Variants in MRPL30 observed in about 807,000 individuals in gnomAD.
MRPL30 encodes large ribosomal subunit protein uL30m.
In MRPL30, 10 loss-of-function variants were observed where a neutral mutation model predicts 17.2. That is an observed-to-expected ratio of 0.58 (90% CI 0.36 to 0.99). MRPL30 has a LOEUF of 0.99. Among genes scored for constraint, MRPL30 ranks in the 50% least tolerant of loss-of-function variants. MRPL30 has a pLI of 0.01. For synonymous variants in MRPL30, 61 were observed against 62.1 expected (o/e 0.98, Z 0.08); for missense variants, 170 against 189.8 (o/e 0.90, Z 0.61).
chr2:99,181,545 C>A (rs1314237203), intron 1 of MRPL30, among the ~76,000 whole-genome samples: 1 of 151,220 alleles, frequency 6.6e-6, no homozygotes, highest in African/African-American at 2.4e-5. Context: ...ACCCAAGCAG[C>A]ATTTTCTGTG....
chr2:99,188,184 C>A lies in MRPL30; in HGVS notation c.59C>A (p.Thr20Lys), dbSNP rs541061970. 5.2e-5 allele frequency: 82 copies of A among 1,591,892 alleles called. No homozygotes were observed. Among genetic ancestry groups the A allele is most frequent in the Non-Finnish European group, 6.6e-5 (77 of 1,171,206 alleles). The part of the protein sequence containing the change: ...QWPPGRLQTV[T>K]KGVESLICTD... ...ATTTATATCATATTTTAGACTGTGA[C>A]AAAAGGTGTGGAGTCTCTTATTTGT... Residue 20 changes from threonine (T) to lysine (K), a missense_variant, in exon 3 of 6, where the codon ACA becomes AAA. Coordinates refer to ENST00000338148, the MANE Select transcript of MRPL30 (RefSeq NM_145212.4).
At chr2:99,191,750 C>G (rs1450414006) in intron 3 of MRPL30, among the ~76,000 whole-genome samples, 1 of 152,138 alleles carries the variant, frequency 6.6e-6, no homozygotes, top group African/African-American at 2.4e-5. Context: ...GAAACATGGT[C>G]CTATTGGTTC....
intron 1 of MRPL30, among the ~76,000 whole-genome samples, chr2:99,185,002 C>G (rs573197256): frequency 2.6e-5 from 4 of 152,294 alleles, no homozygotes; most frequent in Non-Finnish European, 5.9e-5. Flanking sequence ...CCATTAGGAA[C>G]CAGATGGCAC....
At position 99,192,307 on chromosome 2, in the gene MRPL30, C is replaced by T. The variant is rs551274456; in HGVS notation, c.133-2444C>T. ...ATTTTTTTTTAAGTTCCGGTATACA[C>T]GTGCAGATTTGTCACATAGGTATAT... On this transcript the variant is annotated intron_variant, in intron 3 of 5. Transcript: ENST00000338148. Among the ~76,000 whole-genome samples the T allele has an allele frequency of 4.6e-5, 7 of 152,132 alleles. No individual in the cohort carries two copies. In the South Asian group the frequency reaches 1.5e-3, roughly 32 times the overall value.
chr2:99,189,737 G>A (rs1370652367), intron 3 of MRPL30, among the ~76,000 whole-genome samples: 1 of 152,090 alleles, frequency 6.6e-6, no homozygotes, highest in Admixed American at 6.6e-5. Context: ...GTTTTGGGTG[G>A]GGGGTTCCTA....
chr2:99,192,743 A>G lies in MRPL30; in HGVS notation c.133-2008A>G, dbSNP rs184952105. Among the ~76,000 whole-genome samples, 7 of 152,358 alleles carry G rather than the reference A, an allele frequency of 4.6e-5. No individual in the cohort carries two copies. The South Asian group carries it at 6.2e-4, about 14-fold the overall frequency. On this transcript the variant is annotated intron_variant, in intron 3 of 5. Transcript: ENST00000338148. ...TAGAATGATTTATATTCCTTTGGGT[A>G]TATACCCAGTAATGGGATTGCTGAG...
chr2:99,186,668 T>G (rs1250432782), intron 2 of MRPL30, among the ~76,000 whole-genome samples: 1 of 152,236 alleles, frequency 6.6e-6, no homozygotes, highest in Non-Finnish European at 1.5e-5. Flanking sequence ...GTATGGTTTT[T>G]CTGCTGTTTT....
At chr2:99,190,242 CT>C (rs1479828810) in intron 3 of MRPL30, among the ~76,000 whole-genome samples, 1 of 152,126 alleles carries the variant, frequency 6.6e-6, no homozygotes, top group East Asian at 1.9e-4. Context: ...ACTTTGATAC[CT>C]TTAATGTGCT....
Position 99,188,185 on chromosome 2 carries a change from A to T in MRPL30, c.60A>T (p.Thr20=). ...TTTATATCATATTTTAGACTGTGAC[A>T]AAAGGTGTGGAGTCTCTTATTTGTA... is the stretch of plus-strand genomic sequence containing the variant. ...QWPPGRLQTV[T]KGVESLICTD... is the part of the protein sequence containing the mutation. The change falls in exon 3 of 6, where the codon ACA becomes ACT. Residue 20 remains threonine, a synonymous_variant. Transcript: ENST00000338148. 6.3e-7 allele frequency: 1 copy of T among 1,592,680 alleles called. No homozygotes were observed. The highest frequency in any genetic ancestry group is 8.5e-7 in the Non-Finnish European group (1 of 1,171,652).
chr2:99,197,802 G>A lies in MRPL30; in HGVS notation c.*2097G>A, dbSNP rs140493505. Among the ~76,000 whole-genome samples, 209 of 143,688 alleles carry A rather than the reference G, an allele frequency of 1.5e-3. No homozygotes were observed. The highest frequency in any genetic ancestry group is 2.8e-3 in the African/African-American group (110 of 39,400). 94.3% of individuals were successfully genotyped at this position (143,688 alleles called of 152,430 possible). Reference sequence around the variant, plus strand: ...ACTACAGATACATGCCACCGCTCCCGGCTAGTATTTTTTAAAATTTTTTGT... The same window carrying A: ...ACTACAGATACATGCCACCGCTCCCAGCTAGTATTTTTTAAAATTTTTTGT... On this transcript the variant is annotated 3_prime_UTR_variant, in exon 6 of 6. Coordinates refer to ENST00000338148, the MANE Select transcript of MRPL30 (RefSeq NM_145212.4).
In MRPL30 at chr2:99,188,215, T is replaced by C. The variant is rs2093937501; in HGVS notation, c.90T>C (p.Asp30=). Residue 30 remains aspartate, a synonymous_variant, in exon 3 of 6, where the codon GAT becomes GAC. Coordinates refer to ENST00000338148, the MANE Select transcript of MRPL30 (RefSeq NM_145212.4). ...GTGTGGAGTCTCTTATTTGTACAGA[T>C]TGGATTCGTCACAAATTCACCAGAT... ...TKGVESLICT[D]WIRHKFTRSR... is the part of the protein sequence containing the mutation. The C allele has an allele frequency of 1.2e-6, 2 of 1,607,776 alleles. No homozygotes were observed. The highest frequency in any genetic ancestry group is 1.7e-6 in the Non-Finnish European group (2 of 1,178,122).
intron 2 of MRPL30, chr2:99,187,111 A>T (rs1367810127): frequency 1.3e-5 from 2 of 152,250 alleles, no homozygotes; most frequent in Non-Finnish European, 2.9e-5. Flanking sequence ...TGACCCTCTG[A>T]GAGAGTAAGT....
rs550347045 is a variant in MRPL30 at position 99,198,830 on chromosome 2, G to T, written c.*3125G>T. Reference sequence around the variant, plus strand: ...AGGAGGTTTTGCCTGACATCTGGTGGTGACCGTGGCCACCAAGTCAACCCA... The same window carrying T: ...AGGAGGTTTTGCCTGACATCTGGTGTTGACCGTGGCCACCAAGTCAACCCA... On this transcript the variant is annotated 3_prime_UTR_variant, in exon 6 of 6. Coordinates refer to ENST00000338148, the MANE Select transcript of MRPL30 (RefSeq NM_145212.4). 9.9e-5 allele frequency among the ~76,000 whole-genome samples: 15 copies of T among 152,258 alleles called. No homozygotes were observed. The highest frequency in any genetic ancestry group is 3.1e-4 in the African/African-American group (13 of 41,552).
In MRPL30 at chr2:99,194,809, A is replaced by G; in HGVS notation, c.191A>G (p.His64Arg). Residue 64 changes from histidine to arginine, a missense_variant, in exon 4 of 6, where the codon CAT (histidine) becomes CGT (arginine). His to Arg is a conservative substitution (Grantham distance 29). Coordinates refer to ENST00000338148, the MANE Select transcript of MRPL30 (RefSeq NM_145212.4). ...TACGGTGGGGATCCACAGAACCCTC[A>G]TAAACTGCATATTGTTACCAGAATA... The part of the protein sequence containing the change: ...EKYGGDPQNP[H>R]KLHIVTRIKS... 3 of 1,600,426 alleles carry G rather than the reference A, an allele frequency of 1.9e-6. No homozygotes were observed. The highest frequency in any genetic ancestry group is 2.6e-6 in the Non-Finnish European group (3 of 1,175,770).
chr2:99,186,035 C>T (rs2093933285), intron 1 of MRPL30, 142 bp from the exon 2 acceptor site: 1 of 587,466 alleles, frequency 1.7e-6, no homozygotes, highest in Non-Finnish European at 3.1e-6. Flanking sequence ...TAATTCGTGC[C>T]CTTATTATAT....
At chr2:99,195,003 G>A (rs1346604554) in intron 4 of MRPL30, 106 bp downstream of exon 4, 6 of 1,346,420 alleles carry the variant, frequency 4.5e-6, no homozygotes, top group Non-Finnish European at 6.0e-6. Context: ...ATTACTTAGG[G>A]TAATTTATTT....
chr2:99,182,712 A>G (rs923547752), intron 1 of MRPL30, among the ~76,000 whole-genome samples: 6 of 152,258 alleles, frequency 3.9e-5, no homozygotes, highest in East Asian at 1.9e-4. Context: ...ACTTTTGACT[A>G]TCACACCTTC....
chr2:99,198,772 G>A lies in MRPL30; in HGVS notation c.*3067G>A, dbSNP rs571879036. 1.7e-4 allele frequency among the ~76,000 whole-genome samples: 26 copies of A among 152,242 alleles called. No individual in the cohort carries two copies. The highest frequency in any genetic ancestry group is 8.3e-4 in the South Asian group (4 of 4,832). ...TCGGTCTTGACTTTGTGTCTTTGAG[G>A]ATTGCTTTGTTTAGTGTCACCTGCC... On this transcript the variant is annotated 3_prime_UTR_variant, in exon 6 of 6. Transcript: ENST00000338148.
intron 1 of MRPL30, among the ~76,000 whole-genome samples, chr2:99,184,206 G>A (rs1217406991): frequency 6.6e-6 from 1 of 152,074 alleles, no homozygotes; most frequent in African/African-American, 2.4e-5. Context: ...ATACCCCATC[G>A]TTATGTTTTT....
Sources: gnomAD v4.1 joint callset for allele counts (sites outside exome capture counted in the v4.1 genomes callset) on GRCh38, gnomAD v4.1.1 for gene constraint, MANE v1.5 for transcripts, NCBI Gene and HGNC (gene_info 2026-07-23, HGNC 2026-07-21) for gene names.